The following METAP1D variants were observed in gnomAD, a reference collection of about 807,000 sequenced individuals.
METAP1D encodes methionyl aminopeptidase type 1D, mitochondrial, also known as methionine aminopeptidase 1D, mitochondrial.
METAP1D carries 31 observed loss-of-function variants against 40.5 expected under a neutral mutation model. The observed-to-expected ratio is 0.77, with a 90% CI of 0.58 to 1.03. METAP1D has a LOEUF of 1.03. METAP1D is among the 50% of genes least tolerant of loss of function. The probability of loss-of-function intolerance (pLI) is 0.00; values close to 1 mark genes in which losing one functional copy is unlikely to be tolerated. For missense variants in METAP1D, 411 were observed against 420.7 expected (o/e 0.98, Z 0.20); for synonymous variants, 151 against 146.4 (o/e 1.03, Z -0.22).
At chr2:172,065,168 G>A (rs1690221497) in intron 3 of METAP1D, among the ~76,000 whole-genome samples, 1 of 152,168 alleles carries the variant, frequency 6.6e-6, no homozygotes, top group Admixed American at 6.5e-5. Flanking sequence ...GAGATAAAAA[G>A]ATGCGAGTTG....
chr2:172,000,711 G>A (rs1398788185), intron 1 of METAP1D, among the ~76,000 whole-genome samples: 2 of 152,146 alleles, frequency 1.3e-5, no homozygotes, highest in Non-Finnish European at 1.5e-5. Flanking sequence ...GTTTTGTGAG[G>A]TAAATATTAT....
At chr2:172,018,321 G>A (rs1403874521) in intron 1 of METAP1D, among the ~76,000 whole-genome samples, 1 of 151,986 alleles carries the variant, frequency 6.6e-6, no homozygotes, top group Non-Finnish European at 1.5e-5. Flanking sequence ...GAACAGGAGA[G>A]GAGACAACAG....
chr2:172,000,383 C>T (rs1268515351), intron 1 of METAP1D, among the ~76,000 whole-genome samples: 1 of 152,196 alleles, frequency 6.6e-6, no homozygotes, highest in Non-Finnish European at 1.5e-5. Context: ...TCTGGACACC[C>T]GGTTCCCTTC....
At chr2:172,018,301 T>G (rs1688927716) in intron 1 of METAP1D, among the ~76,000 whole-genome samples, 1 of 151,938 alleles carries the variant, frequency 6.6e-6, no homozygotes, top group East Asian at 1.9e-4. Flanking sequence ...CATGACCCTA[T>G]AAGATTAGAG....
rs184896967 is a variant in METAP1D, at chr2:172,079,656, A to C, written c.850+394A>C. On this transcript the variant is annotated intron_variant, in intron 8 of 9. Coordinates refer to ENST00000315796, the MANE Select transcript of METAP1D (RefSeq NM_199227.3). ...TTGGTATCACCACCAAATTCCAGTC[A>C]CCTAGGGCCGTAAAGACATCCTGTT... is the stretch of plus-strand genomic sequence containing the variant. 3.2e-4 allele frequency among the ~76,000 whole-genome samples: 48 copies of C among 152,268 alleles called. No individual in the cohort carries two copies. The East Asian group carries it at 9.2e-3, about 29-fold the overall frequency.
chr2:172,079,763 T>C (rs574285786), intron 8 of METAP1D, among the ~76,000 whole-genome samples: 2 of 152,352 alleles, frequency 1.3e-5, no homozygotes, highest in East Asian at 3.9e-4. Flanking sequence ...ATCTCGAGCA[T>C]GTTTTTAAAA....
At chr2:172,026,207 G>T (rs904912035) in intron 1 of METAP1D, among the ~76,000 whole-genome samples, 3 of 152,112 alleles carry the variant, frequency 2.0e-5, no homozygotes, top group Admixed American at 6.6e-5. Flanking sequence ...ATGAAACCAG[G>T]TCATTTGTTC....
At chr2:172,027,196 CTG>C (rs1689137386) in intron 1 of METAP1D, among the ~76,000 whole-genome samples, 1 of 152,208 alleles carries the variant, frequency 6.6e-6, no homozygotes, top group South Asian at 2.1e-4. Flanking sequence ...CCATATGCCT[CTG>C]TGTCTAGAGT....
At chr2:172,047,778 A>G (rs992924055) in intron 1 of METAP1D, among the ~76,000 whole-genome samples, 11 of 152,234 alleles carry the variant, frequency 7.2e-5, no homozygotes, top group Non-Finnish European at 1.6e-4. Context: ...TGTTTGTGAT[A>G]GTACACTTTA....
chr2:172,029,026 G>A (rs1005187517), intron 1 of METAP1D, among the ~76,000 whole-genome samples: 2 of 152,120 alleles, frequency 1.3e-5, no homozygotes, highest in African/African-American at 4.8e-5. Context: ...GACATGCATG[G>A]TCAAACCATA....
rs113020651 is a variant in METAP1D at position 172,036,417 on chromosome 2, G to T, written c.41-25081G>T. On this transcript the variant is annotated intron_variant, in intron 1 of 9. Transcript: ENST00000315796. Reference sequence around the variant, plus strand: ...TTTTTTTTTTGTCGCCCAGGCTGAAGTGCAGTGGCGTGATCTTGGCTCAAT... The same window carrying T: ...TTTTTTTTTTGTCGCCCAGGCTGAATTGCAGTGGCGTGATCTTGGCTCAAT... 1.7e-4 allele frequency among the ~76,000 whole-genome samples: 25 copies of T among 147,178 alleles called. 1 individual carries two copies. The highest frequency in any genetic ancestry group is 6.0e-4 in the African/African-American group (24 of 39,956).
At chr2:172,041,458 C>CAA (rs782636305) in intron 1 of METAP1D, among the ~76,000 whole-genome samples, 2,101 of 94,888 alleles carry the variant, frequency 0.022, 227 homozygotes, top group Admixed American at 0.076. Context: ...GACTCTGTAT[C>CAA]AAAAAAAAAA....
chr2:172,032,245 C>T (rs1014594424), intron 1 of METAP1D, among the ~76,000 whole-genome samples: 2 of 152,112 alleles, frequency 1.3e-5, no homozygotes, highest in African/African-American at 2.4e-5. Context: ...AGAAAAGATA[C>T]GTGATTTATT....
intron 1 of METAP1D, among the ~76,000 whole-genome samples, chr2:172,009,045 CTT>C (rs200696505): frequency 9.0e-5 from 13 of 144,380 alleles, no homozygotes; most frequent in Admixed American, 7.0e-5. Context: ...AATTTTCTTT[CTT>C]TTTTTTTTTT....
intron 1 of METAP1D, among the ~76,000 whole-genome samples, chr2:172,040,118 C>T (rs1240629314): frequency 2.6e-5 from 4 of 151,516 alleles, no homozygotes; most frequent in Non-Finnish European, 5.9e-5. Flanking sequence ...CCATCACGCC[C>T]GGCTAATTTT....
intron 1 of METAP1D, 34 bp downstream of exon 1, chr2:172,000,043 G>A (rs1688421049): frequency 7.8e-7 from 1 of 1,279,972 alleles, no homozygotes; most frequent in Non-Finnish European, 1.0e-6. Flanking sequence ...GTGAGGGTTC[G>A]CACGGTTGCT....
chr2:172,041,730 A>T lies in METAP1D; in HGVS notation c.41-19768A>T, dbSNP rs1486175195. On this transcript the variant is annotated intron_variant, in intron 1 of 9. Coordinates refer to ENST00000315796, the MANE Select transcript of METAP1D (RefSeq NM_199227.3). ...AATTTCCTTACTCTAATTATTTTAT[A>T]TATATATATATATATATATATATAT... 1.8e-4 allele frequency among the ~76,000 whole-genome samples: 5 copies of T among 28,516 alleles called. 1 individual carries two copies. Among genetic ancestry groups the T allele is most frequent in the African/African-American group, 3.3e-4 (3 of 9,098 alleles). The allele number at this position is 28,516 out of a possible 152,430, so 18.7% of individuals were successfully genotyped here. A position where few individuals can be genotyped will look rare whatever the true frequency, so the allele number is the denominator to read the frequency against.
intron 1 of METAP1D, among the ~76,000 whole-genome samples, chr2:172,055,014 A>C (rs1378922664): frequency 6.6e-6 from 1 of 152,236 alleles, no homozygotes; most frequent in African/African-American, 2.4e-5. Flanking sequence ...TTGCAAGATC[A>C]AATTAGTATA....
chr2:172,010,748 G>GTTT (rs375241055), intron 1 of METAP1D, among the ~76,000 whole-genome samples: 8 of 120,264 alleles, frequency 6.7e-5, no homozygotes, highest in Admixed American at 8.7e-5. Context: ...CCTGCCCAAT[G>GTTT]TTTTTTTTTT....
Sources: gnomAD v4.1 joint callset for allele counts (sites outside exome capture counted in the v4.1 genomes callset) on GRCh38, gnomAD v4.1.1 for gene constraint, MANE v1.5 for transcripts, NCBI Gene and HGNC (gene_info 2026-07-23, HGNC 2026-07-21) for gene names.